Variants in ATF6 observed in about 807,000 individuals in gnomAD.
ATF6 encodes the protein cyclic AMP-dependent transcription factor ATF-6 alpha.
In ATF6, 53 loss-of-function variants were observed where a neutral mutation model predicts 83.6. The ratio of observed to expected loss-of-function variants is 0.63; its 90% CI spans 0.51 to 0.80. The LOEUF (loss-of-function observed/expected upper bound fraction) is 0.80. Among genes scored for constraint, ATF6 ranks in the 30% least tolerant of loss-of-function variants. The pLI is 0.00. For synonymous variants in ATF6, 288 were observed against 285.8 expected, an observed-to-expected ratio of 1.01 and a Z score of -0.08; for missense variants, 744 against 797.9, an observed-to-expected ratio of 0.93 and a Z score of 0.81.
At chr1:161,860,094 G>A (rs1686850802) in intron 12 of ATF6, 113 bp from the exon 13 acceptor site, 4 of 573,334 alleles carry the variant, frequency 7.0e-6, no homozygotes, top group Non-Finnish European at 1.1e-5. Context: ...GAATATGTCA[G>A]AAATCTTAGC....
chr1:161,825,516 T>C (rs1187258237), intron 9 of ATF6, among the ~76,000 whole-genome samples: 1 of 152,198 alleles, frequency 6.6e-6, no homozygotes, highest in East Asian at 1.9e-4. Context: ...CTCTTGAGGT[T>C]TGATAATTTT....
At chr1:161,881,240 G>T (rs1687321130) in intron 14 of ATF6, among the ~76,000 whole-genome samples, 1 of 152,070 alleles carries the variant, frequency 6.6e-6, no homozygotes, top group South Asian at 2.1e-4. Flanking sequence ...CTACTCCAGG[G>T]TTTCATCTGA....
At chr1:161,856,100 C>G (rs1398695705) in intron 12 of ATF6, among the ~76,000 whole-genome samples, 1 of 152,120 alleles carries the variant, frequency 6.6e-6, no homozygotes, top group Non-Finnish European at 1.5e-5. Flanking sequence ...TAATTATTTC[C>G]TGACTAATTG....
At chr1:161,879,798 G>A (rs1192046007) in intron 14 of ATF6, among the ~76,000 whole-genome samples, 1 of 151,970 alleles carries the variant, frequency 6.6e-6, no homozygotes, top group Non-Finnish European at 1.5e-5. Flanking sequence ...GTGAAGCAAA[G>A]TATCATCCCT....
intron 14 of ATF6, among the ~76,000 whole-genome samples, chr1:161,890,310 A>C (rs1450579874): frequency 6.6e-6 from 1 of 152,250 alleles, no homozygotes; most frequent in East Asian, 1.9e-4. Flanking sequence ...TAAATACCAC[A>C]GTGAAATGAA....
intron 4 of ATF6, among the ~76,000 whole-genome samples, chr1:161,790,997 T>C (rs1339031855): frequency 6.6e-6 from 1 of 152,172 alleles, no homozygotes; most frequent in Non-Finnish European, 1.5e-5. Context: ...AGAAAGGATA[T>C]TGGCATTTTA....
chr1:161,836,298 A>T (rs1395232642), intron 9 of ATF6, among the ~76,000 whole-genome samples: 1 of 152,208 alleles, frequency 6.6e-6, no homozygotes, highest in Non-Finnish European at 1.5e-5. Flanking sequence ...TCGCCATATG[A>T]TATCACTATT....
In ATF6 at chr1:161,936,770, T is replaced by C. The variant is rs185598742; in HGVS notation, c.1805-21676T>C. ...CCCACTCTAATCCCTGAACTCCAAA[T>C]GCATGTAACCAACTGCCTGTTAAAT... On this transcript the variant is annotated intron_variant, in intron 15 of 15. Coordinates refer to ENST00000367942, the MANE Select transcript of ATF6 (RefSeq NM_007348.4). 6.6e-5 allele frequency among the ~76,000 whole-genome samples: 10 copies of C among 152,338 alleles called. No homozygotes were observed. In the East Asian group the frequency reaches 1.9e-3, roughly 29 times the overall value.
chr1:161,936,751 C>A (rs375138974), intron 15 of ATF6, among the ~76,000 whole-genome samples: 52 of 152,302 alleles, frequency 3.4e-4, no homozygotes, highest in African/African-American at 1.2e-3. Context: ...CAAACCCACT[C>A]TAATCCCTGA....
At chr1:161,890,421 C>T (rs1687523262) in intron 14 of ATF6, among the ~76,000 whole-genome samples, 2 of 152,206 alleles carry the variant, frequency 1.3e-5, no homozygotes, top group African/African-American at 4.8e-5. Context: ...CTGGAGACCC[C>T]ATTTGGTGAG....
rs978417609 is a variant in ATF6 at position 161,834,794 on chromosome 1, A to G, written c.1188-11655A>G. Among the ~76,000 whole-genome samples the G allele has an allele frequency of 4.6e-5, 7 of 152,184 alleles. 1 individual carries two copies. Among genetic ancestry groups the G allele is most frequent in the African/African-American group, 1.7e-4 (7 of 41,422 alleles). On this transcript the variant is annotated intron_variant, in intron 9 of 15. Coordinates refer to ENST00000367942, the MANE Select transcript of ATF6 (RefSeq NM_007348.4). ...GTATAATAATAATAATAACAAAACA[A>G]AAAAATAGATATACTTGAAGAAAGA...
chr1:161,959,327 G>C lies in ATF6; in HGVS notation c.*673G>C, dbSNP rs1033310665. On this transcript the variant is annotated 3_prime_UTR_variant, in exon 16 of 16. Coordinates refer to ENST00000367942, the MANE Select transcript of ATF6 (RefSeq NM_007348.4). ...TGGGTACAAATTTGAGAAAATAGAAGGGTAAGGGAAGGGCCAGTGGTGGGG... is the reference window on the plus strand; with the variant it reads ...TGGGTACAAATTTGAGAAAATAGAACGGTAAGGGAAGGGCCAGTGGTGGGG... 2 of 152,174 alleles carry C rather than the reference G, an allele frequency of 1.3e-5. No individual in the cohort carries two copies. The highest frequency in any genetic ancestry group is 4.8e-5 in the African/African-American group (2 of 41,418). 9.4% of individuals were successfully genotyped at this position (152,174 alleles called of 1,614,324 possible).
rs1427019476 is a variant in ATF6 at position 161,821,132 on chromosome 1, A to G, written c.1158A>G (p.Ala386=). 4 of 1,612,730 alleles carry G rather than the reference A, an allele frequency of 2.5e-6. No homozygotes were observed. In the East Asian group the frequency reaches 8.9e-5, roughly 36 times the overall value. The change falls in exon 9 of 16, where the codon GCA becomes GCG. Residue 386 remains alanine (A), a synonymous_variant. Coordinates refer to ENST00000367942, the MANE Select transcript of ATF6 (RefSeq NM_007348.4). ...TTGTCTGTGTGATGATAGTATTGGC[A>G]TTTATAATACTGAACTATGGACCTA... ...RRVVCVMIVL[A]FIILNYGPMS...
intron 15 of ATF6, among the ~76,000 whole-genome samples, chr1:161,942,736 A>T (rs922701834): frequency 3.3e-5 from 5 of 152,260 alleles, no homozygotes; most frequent in African/African-American, 1.2e-4. Flanking sequence ...AAGTCAGTTC[A>T]TGATGCTACT....
intron 6 of ATF6, 50 bp from the exon 7 acceptor site, chr1:161,802,002 T>G (rs939742039): frequency 2.2e-5 from 35 of 1,582,002 alleles, no homozygotes; most frequent in Non-Finnish European, 2.8e-5. Context: ...CTGCTTCCCC[T>G]GCCACAGTAG....
chr1:161,774,035 A>G (rs896422709), intron 1 of ATF6, among the ~76,000 whole-genome samples: 3 of 152,176 alleles, frequency 2.0e-5, no homozygotes, highest in African/African-American at 7.2e-5. Context: ...CCTTTTTCAC[A>G]TCTGAAAGTG....
At chr1:161,807,244 A>G (rs1685309863) in intron 7 of ATF6, among the ~76,000 whole-genome samples, 1 of 152,212 alleles carries the variant, frequency 6.6e-6, no homozygotes, top group South Asian at 2.1e-4. Context: ...TGCAATGCAT[A>G]GCAACTCAGA....
chr1:161,779,457 C>A (rs1684587037), intron 2 of ATF6, among the ~76,000 whole-genome samples: 1 of 152,142 alleles, frequency 6.6e-6, no homozygotes, highest in South Asian at 2.1e-4. Context: ...ATTCTTCTTC[C>A]AAACGGCAAT....
intron 14 of ATF6, among the ~76,000 whole-genome samples, chr1:161,881,651 C>T (rs922580693): frequency 1.2e-4 from 19 of 152,198 alleles, no homozygotes; most frequent in African/African-American, 4.3e-4. Context: ...GGAAGCTTTG[C>T]GAGTTCTTTA....
Sources: gnomAD v4.1 joint callset for allele counts (sites outside exome capture counted in the v4.1 genomes callset) on GRCh38, gnomAD v4.1.1 for gene constraint, MANE v1.5 for transcripts, NCBI Gene and HGNC (gene_info 2026-07-23, HGNC 2026-07-21) for gene names.